The following IQCM variants were observed in gnomAD, a reference collection of about 807,000 sequenced individuals.
The protein encoded by IQCM is IQ domain-containing protein M.
A neutral mutation model predicts 57.6 loss-of-function variants in IQCM; 45 were observed. The observed-to-expected ratio is 0.78, with a 90% CI of 0.62 to 1.00. IQCM has a LOEUF of 1.00. Ranked by LOEUF, IQCM falls within the 50% of genes least tolerant of loss-of-function variation. The pLI, the probability that IQCM is intolerant of heterozygous loss-of-function variation, is 0.00. For missense variants in IQCM, 468 were observed against 511.6 expected, an observed-to-expected ratio of 0.91 and a Z score of 0.82; for synonymous variants, 148 against 158.9, an observed-to-expected ratio of 0.93 and a Z score of 0.51.
intron 10 of IQCM, 119 bp downstream of exon 10, chr4:149,563,573 C>A: frequency 1.5e-6 from 1 of 684,118 alleles, no homozygotes; most frequent in South Asian, 7.8e-5. Flanking sequence ...ACAACAACAG[C>A]AAAACTCTAT....
rs141169080 is a variant in IQCM at position 149,700,689 on chromosome 4, C to A, written c.386-14221G>T. On this transcript the variant is annotated intron_variant, in intron 5 of 13. Transcript: ENST00000636793. ...GCATTTGAGTCAGTAGACTCAGCTG[C>A]CTGACCGCTTGCCTTGGGAAAGTCA... Among the ~76,000 whole-genome samples, 9 of 152,120 alleles carry A rather than the reference C, an allele frequency of 5.9e-5. No homozygotes were observed. The East Asian group carries it at 1.6e-3, about 26-fold the overall frequency.
At chr4:149,726,432 A>G (rs569463796) in intron 5 of IQCM, among the ~76,000 whole-genome samples, 7 of 152,276 alleles carry the variant, frequency 4.6e-5, no homozygotes, top group Admixed American at 2.6e-4. Flanking sequence ...TCCTTAATTG[A>G]AATATGACTA....
intron 2 of IQCM, among the ~76,000 whole-genome samples, chr4:149,810,532 C>A (rs566592275): frequency 1.3e-5 from 2 of 152,072 alleles, no homozygotes; most frequent in Admixed American, 6.5e-5. Flanking sequence ...TCACTGCAAC[C>A]TCTGCCTCCC....
intron 13 of IQCM, among the ~76,000 whole-genome samples, chr4:149,412,936 G>A (rs1733491768): frequency 6.6e-6 from 1 of 152,136 alleles, no homozygotes; most frequent in Admixed American, 6.5e-5. Flanking sequence ...GGGTGATGGA[G>A]TGGAGAGAAA....
At chr4:149,564,510 G>A (rs1419544888) in intron 9 of IQCM, among the ~76,000 whole-genome samples, 2 of 152,270 alleles carry the variant, frequency 1.3e-5, no homozygotes, top group Non-Finnish European at 2.9e-5. Context: ...CTGTGAGGAT[G>A]TTGCCAAAGG....
At chr4:149,600,719 T>C (rs1365746429) in intron 8 of IQCM, among the ~76,000 whole-genome samples, 2 of 152,174 alleles carry the variant, frequency 1.3e-5, no homozygotes, top group Admixed American at 6.5e-5. Flanking sequence ...TGGAGAATTA[T>C]CTAAAAGAAT....
At position 149,626,342 on chromosome 4, in the gene IQCM, T is replaced by C. The variant is rs953980959; in HGVS notation, c.566-5098A>G. On this transcript the variant is annotated intron_variant, in intron 7 of 13. Coordinates refer to ENST00000636793, the MANE Select transcript of IQCM (RefSeq NM_001363507.2). ...TGCTCCTCAGCCTGCAGACAGCCTA[T>C]TGTGGGACCTTTGTGGGATCTTGTG... 2.0e-5 allele frequency among the ~76,000 whole-genome samples: 3 copies of C among 150,290 alleles called. No homozygotes were observed. The Admixed American group carries it at 2.0e-4, about 10-fold the overall frequency.
At chr4:149,383,214 A>C in intron 13 of IQCM, among the ~76,000 whole-genome samples, 1 of 152,180 alleles carries the variant, frequency 6.6e-6, no homozygotes, top group East Asian at 1.9e-4. Flanking sequence ...ATATGTAGAC[A>C]CTTTAAATAA....
At chr4:149,440,780 GCTGT>G (rs1396031808) in intron 12 of IQCM, among the ~76,000 whole-genome samples, 2 of 151,948 alleles carry the variant, frequency 1.3e-5, no homozygotes, top group Admixed American at 6.6e-5. Context: ...AAAAATAAGT[GCTGT>G]CTTTCAGAAT....
chr4:149,395,493 GT>G (rs1470270526), intron 13 of IQCM, among the ~76,000 whole-genome samples: 1 of 151,968 alleles, frequency 6.6e-6, no homozygotes, highest in Non-Finnish European at 1.5e-5. Flanking sequence ...CGGATTAACT[GT>G]TTTATTGAAG....
At chr4:149,531,934 G>A in intron 12 of IQCM, among the ~76,000 whole-genome samples, 1 of 152,090 alleles carries the variant, frequency 6.6e-6, no homozygotes, top group Non-Finnish European at 1.5e-5. Flanking sequence ...TATAGTAGGT[G>A]TCTTATTAAT....
intron 12 of IQCM, among the ~76,000 whole-genome samples, chr4:149,460,020 T>C (rs1738105312): frequency 6.6e-6 from 1 of 152,186 alleles, no homozygotes; most frequent in Non-Finnish European, 1.5e-5. Context: ...CTATATACCA[T>C]TTACATTCCC....
chr4:149,582,340 A>C (rs1309429234), intron 9 of IQCM, among the ~76,000 whole-genome samples: 15 of 46,842 alleles, frequency 3.2e-4, no homozygotes, highest in African/African-American at 8.0e-4. Context: ...ATATATATAT[A>C]TATATATATA....
intron 13 of IQCM, among the ~76,000 whole-genome samples, chr4:149,368,616 T>C (rs1730008152): frequency 6.6e-6 from 1 of 150,894 alleles, no homozygotes; most frequent in Non-Finnish European, 1.5e-5. Context: ...AAATACAAGA[T>C]CAATTTTAGG....
chr4:149,632,411 C>A (rs2150096301), intron 7 of IQCM, among the ~76,000 whole-genome samples: 1 of 152,234 alleles, frequency 6.6e-6, no homozygotes, highest in African/African-American at 2.4e-5. Context: ...AAATTCTGAG[C>A]AAATTCAATG....
chr4:149,384,029 A>T (rs1462730327), intron 13 of IQCM, among the ~76,000 whole-genome samples: 1 of 152,190 alleles, frequency 6.6e-6, no homozygotes, highest in Non-Finnish European at 1.5e-5. Flanking sequence ...TGAATGTGAA[A>T]ATCATGTAGG....
intron 13 of IQCM, among the ~76,000 whole-genome samples, chr4:149,361,645 A>G (rs1729496674): frequency 6.6e-6 from 1 of 152,204 alleles, no homozygotes; most frequent in Non-Finnish European, 1.5e-5. Context: ...GTGGGTGCAC[A>G]TAAGTCAAGA....
At chr4:149,671,111 G>A (rs967722287) in intron 7 of IQCM, among the ~76,000 whole-genome samples, 1 of 151,950 alleles carries the variant, frequency 6.6e-6, no homozygotes, top group Non-Finnish European at 1.5e-5. Context: ...GAATCCATCT[G>A]GTCCTGGACT....
intron 13 of IQCM, among the ~76,000 whole-genome samples, chr4:149,416,160 C>G (rs1733733600): frequency 2.6e-5 from 4 of 152,044 alleles, no homozygotes. Flanking sequence ...ACAGATTTTT[C>G]TTCATTTAGG....
Sources: gnomAD v4.1 joint callset for allele counts (sites outside exome capture counted in the v4.1 genomes callset) on GRCh38, gnomAD v4.1.1 for gene constraint, MANE v1.5 for transcripts, NCBI Gene and HGNC (gene_info 2026-07-23, HGNC 2026-07-21) for gene names.